TBC1D12: variants seen among roughly 807,000 people sequenced by gnomAD.
TBC1D12 encodes TBC1 domain family, member 12.
Under a neutral mutation model 86.7 loss-of-function variants are expected in TBC1D12, and 56 were observed. The observed-to-expected ratio is 0.65, with a 90% CI of 0.52 to 0.81. The LOEUF is 0.81. Ranked by LOEUF, TBC1D12 falls within the 30% of genes least tolerant of loss-of-function variation. The pLI is 0.00. For missense variants in TBC1D12, 1,023 were observed against 1,038.8 expected, an observed-to-expected ratio of 0.98 and a Z score of 0.21; for synonymous variants, 421 against 411.7, an observed-to-expected ratio of 1.02 and a Z score of -0.27.
intron 2 of TBC1D12, among the ~76,000 whole-genome samples, chr10:94,463,001 T>G (rs2134124810): frequency 6.6e-6 from 1 of 152,366 alleles, no homozygotes; most frequent in Non-Finnish European, 1.5e-5. Flanking sequence ...TTTAGACCTT[T>G]TATCTTTTTA....
intron 2 of TBC1D12, among the ~76,000 whole-genome samples, chr10:94,459,572 C>T (rs144039106): frequency 0.012 from 1,828 of 152,302 alleles, 17 homozygotes; most frequent in Non-Finnish European, 0.02. Flanking sequence ...AGGCTCGGGC[C>T]GCGCAGGAGC....
chr10:94,493,796 A>C (rs80273937), intron 4 of TBC1D12, among the ~76,000 whole-genome samples: 4,487 of 152,080 alleles, frequency 0.03, 103 homozygotes, highest in South Asian at 0.044. Context: ...TTTTATAATT[A>C]AGTTTGTTCT....
chr10:94,510,201 G>T lies in TBC1D12; in HGVS notation c.1689+22G>T, dbSNP rs201385326. On this transcript the variant is annotated intron_variant, in intron 8 of 12. Coordinates refer to ENST00000225235, the MANE Select transcript of TBC1D12 (RefSeq NM_015188.2). ...GAAGGTGAGGGTTTCTAACCAGCTT[G>T]TAATTACTTAAAAAAAATCTATCAA... The T allele has an allele frequency of 1.2e-4, 179 of 1,496,568 alleles. No homozygotes were observed. In the African/African-American group the frequency reaches 2.4e-3, roughly 20 times the overall value. The allele number at this position is 1,496,568 out of a possible 1,614,324, so 92.7% of individuals were successfully genotyped here.
intron 2 of TBC1D12, among the ~76,000 whole-genome samples, chr10:94,469,990 C>A (rs554544544): frequency 1.3e-5 from 2 of 152,316 alleles, no homozygotes; most frequent in Admixed American, 1.3e-4. Context: ...TTACCCAGTT[C>A]ACCAAGTGGG....
chr10:94,497,292 G>A (rs540162369), intron 5 of TBC1D12, 120 bp downstream of exon 5: 2 of 441,680 alleles, frequency 4.5e-6, no homozygotes, highest in Non-Finnish European at 7.9e-6. Flanking sequence ...ACAATGTGCA[G>A]GTTAGTTACA....
chr10:94,501,064 G>GAATA (rs2056389061), intron 6 of TBC1D12, among the ~76,000 whole-genome samples: 1 of 139,432 alleles, frequency 7.2e-6, no homozygotes, highest in African/African-American at 2.8e-5. Flanking sequence ...TCAAATGAAT[G>GAATA]AATGAATAAA....
At chr10:94,404,368 G>A (rs1284297800) in intron 1 of TBC1D12, among the ~76,000 whole-genome samples, 3 of 152,022 alleles carry the variant, frequency 2.0e-5, no homozygotes, top group African/African-American at 7.2e-5. Flanking sequence ...ATTATGGGCC[G>A]GGCGCGGTGG....
intron 9 of TBC1D12, among the ~76,000 whole-genome samples, chr10:94,518,001 A>C (rs1435273341): frequency 6.6e-6 from 1 of 151,996 alleles, no homozygotes; most frequent in Non-Finnish European, 1.5e-5. Flanking sequence ...AAAAATACAA[A>C]AATTAGCCAG....
chr10:94,467,114 T>A (rs925284841), intron 2 of TBC1D12, among the ~76,000 whole-genome samples: 2 of 152,218 alleles, frequency 1.3e-5, no homozygotes, highest in African/African-American at 4.8e-5. Flanking sequence ...CAGTTTGCAG[T>A]CAGTTTTTCT....
At chr10:94,509,232 G>A (rs576819808) in intron 7 of TBC1D12, 1 of 151,334 alleles carries the variant, frequency 6.6e-6, no homozygotes, top group East Asian at 2.0e-4. Flanking sequence ...AGTCCCCTGA[G>A]TAGCTGGGAT....
intron 3 of TBC1D12, among the ~76,000 whole-genome samples, chr10:94,487,062 C>A (rs143831502): frequency 3.3e-5 from 5 of 151,786 alleles, no homozygotes; most frequent in African/African-American, 7.3e-5. Context: ...ATATAATGAC[C>A]TTCTTTGTCT....
At chr10:94,435,605 C>T (rs1334062515) in intron 1 of TBC1D12, among the ~76,000 whole-genome samples, 6 of 151,966 alleles carry the variant, frequency 3.9e-5, no homozygotes, top group African/African-American at 1.5e-4. Flanking sequence ...AATTTTTTGT[C>T]ATTTATGTGT....
chr10:94,489,434 C>T (rs937319570), intron 3 of TBC1D12, among the ~76,000 whole-genome samples: 1 of 152,184 alleles, frequency 6.6e-6, no homozygotes, highest in Non-Finnish European at 1.5e-5. Flanking sequence ...CTACCCTCTG[C>T]AATGCCTCTT....
At chr10:94,436,725 T>C (rs964156098) in intron 1 of TBC1D12, among the ~76,000 whole-genome samples, 2 of 152,124 alleles carry the variant, frequency 1.3e-5, no homozygotes, top group African/African-American at 4.8e-5. Flanking sequence ...CTCTTTAGAT[T>C]TTAAAAAATT....
Position 94,480,731 on chromosome 10 carries a change from G to C in TBC1D12, c.1211+5948G>C, listed in dbSNP as rs550605262. Among the ~76,000 whole-genome samples the C allele has an allele frequency of 2.7e-5, 4 of 150,650 alleles. No homozygotes were observed. The South Asian group carries it at 8.4e-4, about 32-fold the overall frequency. ...ATGTTTATATATATATATAAAATTA[G>C]CCAGGTGTGGTGGCACACTACTGTA... is the stretch of plus-strand genomic sequence containing the variant. On this transcript the variant is annotated intron_variant, in intron 3 of 12. Coordinates refer to ENST00000225235, the MANE Select transcript of TBC1D12 (RefSeq NM_015188.2).
At chr10:94,439,337 A>G (rs74153348) in intron 1 of TBC1D12, among the ~76,000 whole-genome samples, 3,327 of 152,268 alleles carry the variant, frequency 0.022, 125 homozygotes, top group African/African-American at 0.074. Flanking sequence ...GTGTGGGTAG[A>G]TAGGAAACCT....
chr10:94,438,424 T>C (rs757664998), intron 1 of TBC1D12, among the ~76,000 whole-genome samples: 1 of 151,860 alleles, frequency 6.6e-6, no homozygotes, highest in Non-Finnish European at 1.5e-5. Flanking sequence ...ATTGTTCTAA[T>C]AATACTTACA....
chr10:94,445,380 A>T (rs1485754510), intron 2 of TBC1D12, among the ~76,000 whole-genome samples: 1 of 151,966 alleles, frequency 6.6e-6, no homozygotes, highest in Non-Finnish European at 1.5e-5. Context: ...CAACAGCAAT[A>T]GAACTTCATG....
Position 94,403,008 on chromosome 10 carries a change from G to T in TBC1D12, c.395G>T (p.Gly132Val). 2 of 1,575,820 alleles carry T rather than the reference G, an allele frequency of 1.3e-6. No homozygotes were observed. Among genetic ancestry groups the T allele is most frequent in the African/African-American group, 1.4e-5 (1 of 70,728 alleles). Residue 132 changes from glycine to valine, a missense_variant, in exon 1 of 13, where the codon GGC (glycine) becomes GTC (valine). By Grantham distance (109) the Gly-to-Val change is moderately radical (BLOSUM62 -3). This residue lies in a region of TBC1D12 where 628 missense variants were observed against 531.1 expected (regional missense o/e 1.18). Coordinates refer to ENST00000225235, the MANE Select transcript of TBC1D12 (RefSeq NM_015188.2). ...GATGGCCGCGCGCCGCGGCACGAAGGCATGACCAACGGCGACTCGGGTTTT... is the reference window on the plus strand; with the variant it reads ...GATGGCCGCGCGCCGCGGCACGAAGTCATGACCAACGGCGACTCGGGTTTT... ...VADGRAPRHE[G>V]MTNGDSGFLP... is the part of the protein sequence containing the mutation.
Sources: gnomAD v4.1 joint callset for allele counts (sites outside exome capture counted in the v4.1 genomes callset) on GRCh38, gnomAD v4.1.1 for gene constraint, gnomAD v4.1.1 regional missense constraint, MANE v1.5 for transcripts, NCBI Gene and HGNC (gene_info 2026-07-23, HGNC 2026-07-21) for gene names.